Variants in LAMA1 observed in about 807,000 individuals in gnomAD.
LAMA1 encodes the protein laminin subunit alpha-1.
Under a neutral mutation model 348.7 loss-of-function variants are expected in LAMA1, and 219 were observed. The observed-to-expected ratio is 0.63, with a 90% CI of 0.56 to 0.70. The LOEUF (loss-of-function observed/expected upper bound fraction) is 0.70. Ranked by LOEUF, LAMA1 falls within the 30% of genes least tolerant of loss-of-function variation. The pLI is 0.00. For synonymous variants in LAMA1, 1,487 were observed against 1,491.0 expected, an observed-to-expected ratio of 1.00 and a Z score of 0.06; for missense variants, 3,744 against 3,888.0, an observed-to-expected ratio of 0.96 and a Z score of 0.99.
In LAMA1 at chr18:7,040,203, C is replaced by T. The variant is rs1384352885; in HGVS notation, c.1295G>A (p.Gly432Asp). The change falls in exon 10 of 63, where the codon GGT becomes GAT. Residue 432 changes from glycine to aspartate, a missense_variant. Physicochemically the swap from Gly to Asp is moderately conservative, Grantham distance 94 (BLOSUM62 -1). Coordinates refer to ENST00000389658, the MANE Select transcript of LAMA1 (RefSeq NM_005559.4). The stretch of plus-strand genomic sequence containing the variant: ...GCGATCACATTTTTCTCCTGTATAA[C>T]CTTCCTTACATGGGCACTGACCTGG... ...KQPGQCPCKEGYTGEKCDRCQ... is the reference protein window; with the variant it reads ...KQPGQCPCKEDYTGEKCDRCQ... 3.1e-6 allele frequency: 5 copies of T among 1,614,122 alleles called. No individual in the cohort carries two copies. The highest frequency in any genetic ancestry group is 1.1e-5 in the South Asian group (1 of 91,072).
In LAMA1 at chr18:6,959,397, G is replaced by A; in HGVS notation, c.7722C>T (p.Pro2574=). ...CTTGTCCATCACTGCAGGTACCCGTGGGAGCGTGCAGGAGAGCTTTTCTCA... is the reference window on the plus strand; with the variant it reads ...CTTGTCCATCACTGCAGGTACCCGTAGGAGCGTGCAGGAGAGCTTTTCTCA... ...TGLRKALLHA[P]TGTCSDGQAH... The change falls in exon 54 of 63, where the codon CCC becomes CCT. Residue 2574 remains proline, a synonymous_variant. Coordinates refer to ENST00000389658, the MANE Select transcript of LAMA1 (RefSeq NM_005559.4). 6.2e-7 allele frequency: 1 copy of A among 1,614,138 alleles called. No individual in the cohort carries two copies. The highest frequency in any genetic ancestry group is 8.5e-7 in the Non-Finnish European group (1 of 1,180,032).
At chr18:7,028,163 C>T (rs586975) in intron 16 of LAMA1, among the ~76,000 whole-genome samples, 31,221 of 152,002 alleles carry the variant, frequency 0.21, 3,608 homozygotes, top group African/African-American at 0.32. Flanking sequence ...ACTCAAACTT[C>T]AGGAAAAAAC....
At chr18:7,036,380 C>T (rs2057994903) in intron 12 of LAMA1, among the ~76,000 whole-genome samples, 1 of 152,214 alleles carries the variant, frequency 6.6e-6, no homozygotes, top group African/African-American at 2.4e-5. Flanking sequence ...GTTAATCACA[C>T]AATAGATATT....
Position 6,999,606 on chromosome 18 carries a change from G to T in LAMA1, c.4502C>A (p.Thr1501Lys), listed in dbSNP as rs750815955. Residue 1501 changes from threonine to lysine, a missense_variant, in exon 32 of 63, where the codon ACA becomes AAA. By Grantham distance (78) the Thr-to-Lys change is moderately conservative. This residue lies in a region of LAMA1 where 1,983 missense variants were observed against 1,934.3 expected (regional missense o/e 1.03). Transcript: ENST00000389658. ...ACACTTCTGGCAACTGCCACCTGGT[G>T]TTTGAGGGTTCCCATAATAGCTTGA... ...CSSSYYGNPQ[T>K]PGGSCQKCDC... 6.2e-6 allele frequency: 10 copies of T among 1,613,366 alleles called. No individual in the cohort carries two copies. In the Admixed American group the frequency reaches 1.5e-4, roughly 24 times the overall value.
At position 6,943,234 on chromosome 18, in the gene LAMA1, T is replaced by G; in HGVS notation, c.9013A>C (p.Thr3005Pro). Residue 3005 changes from threonine to proline, a missense_variant, in exon 62 of 63, where the codon ACC becomes CCC. This residue lies in a region of LAMA1 where 232 missense variants were observed against 264.4 expected (regional missense o/e 0.88). Transcript: ENST00000389658. ...TTGGTGTCCACTGAGGTAGACTGGG[T>G]GTGTGGACTTTCAGCGCCAACTGCG... ...GNAVGAESPH[T>P]QSTSVDTNNP... The G allele has an allele frequency of 6.2e-7, 1 of 1,614,184 alleles. No homozygotes were observed. The highest frequency in any genetic ancestry group is 2.2e-5 in the East Asian group (1 of 44,880).
intron 12 of LAMA1, 127 bp downstream of exon 12, chr18:7,037,451 G>A: frequency 4.0e-6 from 4 of 998,284 alleles, no homozygotes. Flanking sequence ...GCAAGTACAG[G>A]CTATGAAATG....
chr18:7,068,148 C>T (rs547948642), intron 3 of LAMA1, among the ~76,000 whole-genome samples: 10 of 152,292 alleles, frequency 6.6e-5, no homozygotes, highest in African/African-American at 1.4e-4. Context: ...CCACCGCGCC[C>T]GGCCTGCATT....
chr18:6,948,108 C>G (rs2057530265), intron 60 of LAMA1, among the ~76,000 whole-genome samples: 1 of 152,318 alleles, frequency 6.6e-6, no homozygotes, highest in Middle Eastern at 3.4e-3. Flanking sequence ...TTAACTTGGA[C>G]AGTAAGTGTG....
chr18:7,009,498 C>G, intron 26 of LAMA1, 132 bp from the exon 27 acceptor site: 3 of 962,932 alleles, frequency 3.1e-6, no homozygotes, highest in Non-Finnish European at 4.7e-6. Flanking sequence ...CTGAGTGTAA[C>G]TGACAAAGAC....
chr18:7,034,813 G>A (rs759513219), intron 13 of LAMA1, 123 bp from the exon 14 acceptor site: 103 of 768,236 alleles, frequency 1.3e-4, no homozygotes, highest in Non-Finnish European at 1.4e-4. Flanking sequence ...TGTGGCAAAC[G>A]TGTAATGGTG....
intron 1 of LAMA1, among the ~76,000 whole-genome samples, chr18:7,114,985 G>C (rs1027212813): frequency 6.6e-6 from 1 of 152,126 alleles, no homozygotes; most frequent in Non-Finnish European, 1.5e-5. Flanking sequence ...ACAGATGTAG[G>C]CTTCATATTT....
chr18:7,060,763 A>G (rs1357556483), intron 3 of LAMA1, among the ~76,000 whole-genome samples: 1 of 152,216 alleles, frequency 6.6e-6, no homozygotes, highest in Admixed American at 6.5e-5. Flanking sequence ...ACTTCCATCA[A>G]TTAGAAAAGC....
chr18:6,971,474 G>A lies in LAMA1; in HGVS notation c.6899+383C>T, dbSNP rs1171634673. On this transcript the variant is annotated intron_variant, in intron 48 of 62. Coordinates refer to ENST00000389658, the MANE Select transcript of LAMA1 (RefSeq NM_005559.4). ...TTGGTTGTGGCTCTCTGAGACAGAA[G>A]GTTGTTTGAGAAATTGTCTGAAACG... Among the ~76,000 whole-genome samples the A allele has an allele frequency of 3.3e-5, 5 of 152,080 alleles. No individual in the cohort carries two copies. In the East Asian group the frequency reaches 9.6e-4, roughly 29 times the overall value.
chr18:6,990,488 G>A (rs1371130148), intron 36 of LAMA1, among the ~76,000 whole-genome samples: 14 of 152,144 alleles, frequency 9.2e-5, no homozygotes, highest in Admixed American at 4.6e-4. Flanking sequence ...CAGGGGCATC[G>A]CCTCCAGGGT....
intron 5 of LAMA1, 70 bp from the exon 6 acceptor site, chr18:7,046,437 C>A (rs2058042251): frequency 1.1e-5 from 9 of 843,684 alleles, no homozygotes; most frequent in Non-Finnish European, 1.8e-5. Flanking sequence ...GTTGGCACAC[C>A]AACAAATATC....
In LAMA1 at chr18:7,104,886, T is replaced by A. The variant is rs1055147089; in HGVS notation, c.61+12774A>T. Among the ~76,000 whole-genome samples, 5 of 152,222 alleles carry A rather than the reference T, an allele frequency of 3.3e-5. No individual in the cohort carries two copies. The East Asian group carries it at 7.7e-4, about 24-fold the overall frequency. ...CCTGCAGACGGGCCCAGGCCCAGGT[T>A]CTGGCTCTGCTCGGTTGGGTTCAGT... is the stretch of plus-strand genomic sequence containing the variant. On this transcript the variant is annotated intron_variant, in intron 1 of 62. Coordinates refer to ENST00000389658, the MANE Select transcript of LAMA1 (RefSeq NM_005559.4).
intron 3 of LAMA1, among the ~76,000 whole-genome samples, chr18:7,067,645 C>A (rs1190946509): frequency 6.6e-6 from 1 of 152,092 alleles, no homozygotes; most frequent in Non-Finnish European, 1.5e-5. Context: ...CAACTATACA[C>A]TCGAGATTTG....
At chr18:7,110,213 G>A (rs2058330519) in intron 1 of LAMA1, among the ~76,000 whole-genome samples, 1 of 150,626 alleles carries the variant, frequency 6.6e-6, no homozygotes, top group South Asian at 2.1e-4. Flanking sequence ...AAAGCGGCTA[G>A]TTACACTATA....
intron 16 of LAMA1, among the ~76,000 whole-genome samples, chr18:7,029,768 G>T (rs535020202): frequency 3.3e-5 from 5 of 152,270 alleles, no homozygotes; most frequent in African/African-American, 7.2e-5. Flanking sequence ...ATGCCAAGCT[G>T]CAAGGAAAAT....
Sources: allele counts gnomAD v4.1 joint callset (sites outside exome capture counted in the v4.1 genomes callset), GRCh38; gene constraint gnomAD v4.1.1; regional missense constraint gnomAD v4.1.1; transcripts MANE v1.5; gene names NCBI Gene and HGNC (gene_info 2026-07-23, HGNC 2026-07-21).